Variants in LRP4 observed in about 807,000 individuals in gnomAD.
The protein encoded by LRP4 is LDL receptor related protein 4.
Under a neutral mutation model 220.3 loss-of-function variants are expected in LRP4, and 95 were observed. The observed-to-expected ratio is 0.43, with a 90% CI of 0.37 to 0.51. LRP4 has a LOEUF of 0.51. Among genes scored for constraint, LRP4 ranks in the 20% least tolerant of loss-of-function variants. The pLI is 0.00. For synonymous variants in LRP4, 903 were observed against 954.6 expected (o/e 0.95, Z 1.00); for missense variants, 1,925 against 2,567.0 (o/e 0.75, Z 5.40).
chr11:46,887,930 G>C (rs1476462897), intron 16 of LRP4, among the ~76,000 whole-genome samples: 1 of 139,088 alleles, frequency 7.2e-6, no homozygotes, highest in Admixed American at 7.8e-5. Context: ...CGGGAGGCTT[G>C]CTTAAGCCCA....
At position 46,858,601 on chromosome 11, in the gene LRP4, T is replaced by C. The variant is rs1335811955; in HGVS notation, c.*382A>G. The C allele has an allele frequency of 1.2e-5, 4 of 324,064 alleles. No individual in the cohort carries two copies. Among genetic ancestry groups the C allele is most frequent in the Non-Finnish European group, 2.4e-5 (4 of 165,080 alleles). The allele number at this position is 324,064 out of a possible 1,614,324, so 20.1% of individuals were successfully genotyped here. A position where few individuals can be genotyped will look rare whatever the true frequency, so the allele number is the denominator to read the frequency against. ...AGAGAAGCAGTCATGCTGGCTGTGA[T>C]GGGGCAGAGCGCAGTCCTGGGTCAT... On this transcript the variant is annotated 3_prime_UTR_variant, in exon 38 of 38. Coordinates refer to ENST00000378623, the MANE Select transcript of LRP4 (RefSeq NM_002334.4).
chr11:46,878,337 T>C (rs914684049), intron 22 of LRP4, among the ~76,000 whole-genome samples: 1 of 140,096 alleles, frequency 7.1e-6, no homozygotes, highest in Non-Finnish European at 1.5e-5. Context: ...TGGAGTGCAG[T>C]GGCGTGATCT....
Position 46,900,269 on chromosome 11 carries a change from C to T in LRP4, c.309G>A (p.Gln103=), listed in dbSNP as rs776429161. 3.1e-6 allele frequency: 5 copies of T among 1,613,216 alleles called. No homozygotes were observed. The South Asian group carries it at 4.4e-5, about 14-fold the overall frequency. The change falls in exon 3 of 38, where the codon CAG becomes CAA. Residue 103 remains glutamine, a synonymous_variant. Coordinates refer to ENST00000378623, the MANE Select transcript of LRP4 (RefSeq NM_002334.4). ...GCCTCTGCCAACACTCACGACAGTC[C>T]TGCTCATCCGAGTCATCCTCACAGT... ...DNDCEDDSDE[Q]DCPPRECEED... is the part of the protein sequence containing the mutation.
chr11:46,907,103 G>A (rs921734263), intron 1 of LRP4, among the ~76,000 whole-genome samples: 2 of 152,176 alleles, frequency 1.3e-5, no homozygotes, highest in Non-Finnish European at 2.9e-5. Context: ...AATGGTGAGT[G>A]AAGAAAGAAA....
chr11:46,913,695 G>T (rs191088602), intron 1 of LRP4, among the ~76,000 whole-genome samples: 1 of 152,202 alleles, frequency 6.6e-6, no homozygotes, highest in African/African-American at 2.4e-5. Flanking sequence ...CATGTCACAG[G>T]AATCTTAGCA....
intron 34 of LRP4, among the ~76,000 whole-genome samples, chr11:46,866,466 T>C (rs1940704011): frequency 6.6e-6 from 1 of 152,058 alleles, no homozygotes; most frequent in South Asian, 2.1e-4. Context: ...AAAACTTTTT[T>C]GTAGAGATAG....
At chr11:46,876,353 G>C (rs1443250931) in intron 25 of LRP4, 113 bp downstream of exon 25, 2 of 1,221,934 alleles carry the variant, frequency 1.6e-6, no homozygotes, top group Non-Finnish European at 2.4e-6. Flanking sequence ...GCCCCAGGGA[G>C]GTCACCTTGT....
intron 1 of LRP4, among the ~76,000 whole-genome samples, chr11:46,908,402 T>TGC (rs1252193284): frequency 6.6e-6 from 1 of 152,198 alleles, no homozygotes; most frequent in Non-Finnish European, 1.5e-5. Flanking sequence ...AAATTGCAAT[T>TGC]ACTTTTGCGC....
rs1177157154 is a variant in LRP4 at position 46,918,317 on chromosome 11, G to A, written c.52+11C>T. The A allele has an allele frequency of 2.6e-6, 4 of 1,509,848 alleles. No homozygotes were observed. Among genetic ancestry groups the A allele is most frequent in the Non-Finnish European group, 3.5e-6 (4 of 1,135,134 alleles). The allele number at this position is 1,509,848 out of a possible 1,614,324, so 93.5% of individuals were successfully genotyped here. ...ACCCAGGGACAAACTTTCCCGGCGG[G>A]CGCCGCTTACCGTGTGCGCAGAGCA... On this transcript the variant is annotated intron_variant, in intron 1 of 37. Coordinates refer to ENST00000378623, the MANE Select transcript of LRP4 (RefSeq NM_002334.4). The surrounding 1 kb of genome is among the most constrained non-coding windows in gnomAD (Gnocchi z 6.0).
intron 31 of LRP4, among the ~76,000 whole-genome samples, chr11:46,869,967 A>G (rs954322993): frequency 1.3e-5 from 2 of 152,060 alleles, no homozygotes; most frequent in African/African-American, 4.8e-5. Context: ...TTAGCTGGGT[A>G]TGGTGGCACG....
At chr11:46,916,909 A>G (rs1028637643) in intron 1 of LRP4, among the ~76,000 whole-genome samples, 3 of 152,190 alleles carry the variant, frequency 2.0e-5, no homozygotes, top group African/African-American at 4.8e-5. Context: ...CAACACGCCA[A>G]AGAGGCTACA....
chr11:46,882,118 C>A (rs915718590), intron 19 of LRP4, among the ~76,000 whole-genome samples: 1 of 152,046 alleles, frequency 6.6e-6, no homozygotes, highest in African/African-American at 2.4e-5. Context: ...AAAAGCAGAG[C>A]CCACAGCTTA....
intron 2 of LRP4, 58 bp downstream of exon 2, chr11:46,902,725 G>A: frequency 6.3e-7 from 1 of 1,599,800 alleles, no homozygotes. Flanking sequence ...CCTTGTCCTT[G>A]CCCCCCACCC....
intron 20 of LRP4, among the ~76,000 whole-genome samples, chr11:46,881,161 C>A (rs1941150038): frequency 6.8e-6 from 1 of 147,840 alleles, no homozygotes; most frequent in African/African-American, 2.5e-5. Context: ...AACATCCTTG[C>A]TTTTAGGAAA....
At position 46,873,430 on chromosome 11, in the gene LRP4, G is replaced by C; in HGVS notation, c.4393C>G (p.Leu1465Val). 6.2e-7 allele frequency: 1 copy of C among 1,614,174 alleles called. No individual in the cohort carries two copies. The highest frequency in any genetic ancestry group is 8.5e-7 in the Non-Finnish European group (1 of 1,180,050). Residue 1465 changes from leucine (L) to valine (V), a missense_variant, in exon 29 of 38, where the codon CTG becomes GTG. Around this residue, in one of 3 missense-constraint regions of LRP4, gnomAD observed 1,244 missense variants for 1,624.9 expected, o/e 0.77. Coordinates refer to ENST00000378623, the MANE Select transcript of LRP4 (RefSeq NM_002334.4). This position sits in a 1 kb window ranked among gnomAD's most constrained non-coding sequence, Gnocchi z 4.2. ...SRLDGSCRKV[L>V]INNSLDEPRA... The stretch of plus-strand genomic sequence containing the variant: ...GGCTCATCCAGGCTATTGTTGATCA[G>C]TACTTTGCGGCAGGAACCATCCAGC...
intron 13 of LRP4, among the ~76,000 whole-genome samples, chr11:46,892,257 T>C (rs1941439557): frequency 6.6e-6 from 1 of 152,206 alleles, no homozygotes. Context: ...TAGGCTATAA[T>C]AATTAATTAC....
At position 46,875,923 on chromosome 11, in the gene LRP4, G is replaced by C. The variant is rs746573834; in HGVS notation, c.3580C>G (p.Arg1194Gly). 6.2e-7 allele frequency: 1 copy of C among 1,614,058 alleles called. No individual in the cohort carries two copies. Among genetic ancestry groups the C allele is most frequent in the Non-Finnish European group, 8.5e-7 (1 of 1,180,022 alleles). The change falls in exon 26 of 38, where the codon CGG becomes GGG. Residue 1194 changes from arginine (R) to glycine (G), a missense_variant. This residue lies in a region of LRP4 where 1,244 missense variants were observed against 1,624.9 expected (regional missense o/e 0.77). Coordinates refer to ENST00000378623, the MANE Select transcript of LRP4 (RefSeq NM_002334.4). The surrounding 1 kb of genome is among the most constrained non-coding windows in gnomAD (Gnocchi z 4.5). Reference protein sequence around the residue: ...TDWGENAKLERSGMDGSDRAV... With the variant: ...TDWGENAKLEGSGMDGSDRAV... ...CGGTCTGAGCCATCCATTCCGGACC[G>C]CTCTAACTTGGCATTCTCCCCCCAG...
chr11:46,906,697 G>A (rs1941765559), intron 1 of LRP4, among the ~76,000 whole-genome samples: 1 of 152,148 alleles, frequency 6.6e-6, no homozygotes. Flanking sequence ...AAGTCATACT[G>A]GTAGGGAAGA....
Position 46,871,626 on chromosome 11 carries a change from A to G in LRP4, c.4591T>C (p.Trp1531Arg). The G allele has an allele frequency of 6.2e-7, 1 of 1,608,562 alleles. No homozygotes were observed. Among genetic ancestry groups the G allele is most frequent in the Non-Finnish European group, 8.5e-7 (1 of 1,176,282 alleles). Reference protein sequence around the residue: ...TLDYDTRRIYWVDAHLDRIES... With the variant: ...TLDYDTRRIYRVDAHLDRIES... Reference sequence around the variant, plus strand: ...ATCCGGTCCAGATGCGCATCCACCCAGTAGATCCTGCGAAGAAAATGAAAA... The same window carrying G: ...ATCCGGTCCAGATGCGCATCCACCCGGTAGATCCTGCGAAGAAAATGAAAA... Residue 1531 changes from tryptophan to arginine, a missense_variant, in exon 31 of 38, where the codon TGG becomes CGG. Trp to Arg is a moderately radical substitution (Grantham distance 101). This residue lies in a region of LRP4 where 1,244 missense variants were observed against 1,624.9 expected (regional missense o/e 0.77). Transcript: ENST00000378623.
Sources: allele counts gnomAD v4.1 joint callset (sites outside exome capture counted in the v4.1 genomes callset), GRCh38; gene constraint gnomAD v4.1.1; regional missense constraint gnomAD v4.1.1; non-coding constraint Gnocchi (gnomAD v3.1); transcripts MANE v1.5; gene names NCBI Gene and HGNC (gene_info 2026-07-23, HGNC 2026-07-21).